The following SMAP1 variants were observed in gnomAD, a reference collection of about 807,000 sequenced individuals.
SMAP1 encodes the protein small ArfGAP 1.
Under a neutral mutation model 58.5 loss-of-function variants are expected in SMAP1, and 24 were observed. The observed-to-expected ratio is 0.41, with a 90% CI of 0.30 to 0.58. SMAP1 has a LOEUF of 0.58. Ranked by LOEUF, SMAP1 falls within the 20% of genes least tolerant of loss-of-function variation. The probability of loss-of-function intolerance (pLI) is 0.29; values close to 1 mark genes in which losing one functional copy is unlikely to be tolerated. For synonymous variants in SMAP1, 216 were observed against 196.6 expected (o/e 1.10, Z -0.82); for missense variants, 563 against 566.3 (o/e 0.99, Z 0.06).
At chr6:70,742,731 C>A (rs1450180974) in intron 2 of SMAP1, among the ~76,000 whole-genome samples, 1 of 152,044 alleles carries the variant, frequency 6.6e-6, no homozygotes, top group Non-Finnish European at 1.5e-5. Context: ...AAAGACATAC[C>A]CAAGACTGGA....
chr6:70,840,057 G>A (rs191154703), intron 7 of SMAP1, among the ~76,000 whole-genome samples: 31 of 152,284 alleles, frequency 2.0e-4, no homozygotes, highest in Admixed American at 9.1e-4. Flanking sequence ...GATTGGGGGC[G>A]TAGGTGCCTT....
chr6:70,700,545 G>A (rs1198404895), intron 1 of SMAP1, among the ~76,000 whole-genome samples: 2 of 152,166 alleles, frequency 1.3e-5, no homozygotes, highest in Non-Finnish European at 2.9e-5. Context: ...TGATCCACCT[G>A]CCTTGGCCTC....
intron 1 of SMAP1, among the ~76,000 whole-genome samples, chr6:70,697,108 TTG>T (rs1331564462): frequency 2.0e-5 from 3 of 152,164 alleles, no homozygotes; most frequent in African/African-American, 7.2e-5. Flanking sequence ...TTTTCAGTCT[TTG>T]TGTGTTATTA....
At chr6:70,822,994 AT>A (rs1010928304) in intron 6 of SMAP1, among the ~76,000 whole-genome samples, 3 of 151,636 alleles carry the variant, frequency 2.0e-5, no homozygotes, top group African/African-American at 7.3e-5. Context: ...CTTTCTTAGA[AT>A]TTTCATCTCT....
chr6:70,792,591 A>G (rs953848659), intron 5 of SMAP1, among the ~76,000 whole-genome samples: 4 of 152,142 alleles, frequency 2.6e-5, no homozygotes, highest in Admixed American at 6.5e-5. Flanking sequence ...ATTTTGATGC[A>G]TCTTATGCTC....
chr6:70,791,569 A>G (rs1417837606), intron 4 of SMAP1, 120 bp from the exon 5 acceptor site: 4 of 671,576 alleles, frequency 6.0e-6, no homozygotes, highest in Non-Finnish European at 9.9e-6. Context: ...CTTTATTAAC[A>G]TGCCTCTAAG....
chr6:70,678,849 T>C (rs1462953960), intron 1 of SMAP1, among the ~76,000 whole-genome samples: 1 of 152,198 alleles, frequency 6.6e-6, no homozygotes, highest in Non-Finnish European at 1.5e-5. Flanking sequence ...TTCTCTGGCA[T>C]GTTTATGACC....
At chr6:70,769,189 A>G (rs897143369) in intron 3 of SMAP1, among the ~76,000 whole-genome samples, 1 of 152,022 alleles carries the variant, frequency 6.6e-6, no homozygotes, top group Non-Finnish European at 1.5e-5. Context: ...TCAATTTGGG[A>G]ATAGGTGTGG....
chr6:70,855,956 A>G (rs534595508), intron 8 of SMAP1, among the ~76,000 whole-genome samples: 11 of 152,340 alleles, frequency 7.2e-5, no homozygotes, highest in Admixed American at 2.6e-4. Context: ...TATAAGTACA[A>G]TGTTTGGATG....
intron 7 of SMAP1, among the ~76,000 whole-genome samples, chr6:70,845,743 C>G (rs1770962522): frequency 6.6e-6 from 1 of 152,120 alleles, no homozygotes; most frequent in African/African-American, 2.4e-5. Context: ...AACAGATGAG[C>G]AAGAGGGTAA....
intron 2 of SMAP1, among the ~76,000 whole-genome samples, chr6:70,750,972 G>A (rs555656361): frequency 6.6e-6 from 1 of 152,272 alleles, no homozygotes; most frequent in African/African-American, 2.4e-5. Flanking sequence ...GGGTGCGGTG[G>A]CTCATACCTG....
intron 6 of SMAP1, among the ~76,000 whole-genome samples, chr6:70,832,655 G>C (rs1027704589): frequency 5.9e-5 from 9 of 152,310 alleles, no homozygotes; most frequent in Non-Finnish European, 1.3e-4. Flanking sequence ...CCAGCATCTG[G>C]TGAGGTCCCT....
At chr6:70,674,841 G>A (rs1359644961) in intron 1 of SMAP1, among the ~76,000 whole-genome samples, 1 of 152,196 alleles carries the variant, frequency 6.6e-6, no homozygotes, top group African/African-American at 2.4e-5. Flanking sequence ...CAGGTGCAGT[G>A]GCACATGCCT....
At chr6:70,670,304 A>C (rs1379515221) in intron 1 of SMAP1, among the ~76,000 whole-genome samples, 1 of 152,188 alleles carries the variant, frequency 6.6e-6, no homozygotes, top group Non-Finnish European at 1.5e-5. Context: ...TATTAAAATG[A>C]TCTTGTAAAT....
chr6:70,798,700 A>C lies in SMAP1; in HGVS notation c.539A>C (p.Glu180Ala). 4 of 1,561,858 alleles carry C rather than the reference A, an allele frequency of 2.6e-6. No individual in the cohort carries two copies. The highest frequency in any genetic ancestry group is 3.5e-6 in the Non-Finnish European group (4 of 1,154,390). Residue 180 changes from glutamate to alanine, a missense_variant, in exon 6 of 11, where the codon GAG becomes GCG. By Grantham distance (107) the Glu-to-Ala change is moderately radical (BLOSUM62 -1). Around this residue, in one of 3 missense-constraint regions of SMAP1, gnomAD observed 494 missense variants for 473.8 expected, o/e 1.04. Transcript: ENST00000370455. ...KKKEEKKREK[E>A]PEKPAKPLTA... ...AAGGAAGAGAAAAAGAGAGAAAAGGAGCCAGAAAAGCCGGCAAAACCACTT... is the reference window on the plus strand; with the variant it reads ...AAGGAAGAGAAAAAGAGAGAAAAGGCGCCAGAAAAGCCGGCAAAACCACTT...
chr6:70,853,035 T>A (rs1582311691), intron 8 of SMAP1, among the ~76,000 whole-genome samples: 1 of 152,284 alleles, frequency 6.6e-6, no homozygotes. Context: ...CCTGACTACC[T>A]CAACTTTCCT....
At position 70,726,874 on chromosome 6, in the gene SMAP1, GGTGTGTGTGTGTGT is replaced by G. The variant is rs35977042; in HGVS notation, c.119-5477_119-5464del. The stretch of plus-strand genomic sequence containing the variant: ...CATGTAATATTATACAAATTTTAGG[GGTGTGTGTGTGTGT>G]GTGTGTGTGTGTGTGTGTGTGTGTG... On this transcript the variant is annotated intron_variant, in intron 1 of 10. Coordinates refer to ENST00000370455, the MANE Select transcript of SMAP1 (RefSeq NM_001044305.3). Among the ~76,000 whole-genome samples the G allele has an allele frequency of 2.1e-4, 31 of 144,908 alleles. No individual in the cohort carries two copies. The East Asian group carries it at 2.2e-3, about 10-fold the overall frequency.
chr6:70,697,833 A>G (rs1172137416), intron 1 of SMAP1, among the ~76,000 whole-genome samples: 1 of 152,102 alleles, frequency 6.6e-6, no homozygotes, highest in Non-Finnish European at 1.5e-5. Flanking sequence ...CACACTTCTT[A>G]ACTTTTGGTT....
At chr6:70,731,673 A>G (rs1765436746) in intron 1 of SMAP1, among the ~76,000 whole-genome samples, 1 of 152,196 alleles carries the variant, frequency 6.6e-6, no homozygotes, top group Non-Finnish European at 1.5e-5. Flanking sequence ...CACTGTATAT[A>G]TTCATCTGTG....
Sources: gnomAD v4.1 joint callset for allele counts (sites outside exome capture counted in the v4.1 genomes callset) on GRCh38, gnomAD v4.1.1 for gene constraint, gnomAD v4.1.1 regional missense constraint, MANE v1.5 for transcripts, NCBI Gene and HGNC (gene_info 2026-07-23, HGNC 2026-07-21) for gene names.